Variants in TMEM266 observed in about 807,000 individuals in gnomAD.
TMEM266 encodes transmembrane protein 266, also known as Hv1 related protein 1.
In TMEM266, 33 loss-of-function variants were observed where a neutral mutation model predicts 50.5. The observed-to-expected ratio is 0.65, with a 90% CI of 0.50 to 0.87. TMEM266 has a LOEUF of 0.87. Ranked by LOEUF, TMEM266 falls within the 40% of genes least tolerant of loss-of-function variation. The pLI, the probability that TMEM266 is intolerant of heterozygous loss-of-function variation, is 0.00. For synonymous variants in TMEM266, 310 were observed against 292.3 expected, an observed-to-expected ratio of 1.06 and a Z score of -0.62; for missense variants, 655 against 695.1, an observed-to-expected ratio of 0.94 and a Z score of 0.65.
rs201783584 is a variant in TMEM266, at chr15:76,168,892, GA to G, written c.457-922del. Among the ~76,000 whole-genome samples the G allele has an allele frequency of 7.8e-3, 1,188 of 152,352 alleles. 20 individuals carry two copies. The highest frequency in any genetic ancestry group is 0.028 in the African/African-American group (1,145 of 41,588). ...CTTCATGGAGGTGACGTTCAAGCCAGAAGGACAGGAAGGGGAAAGCCCTGCT... is the reference window on the plus strand; with the variant it reads ...CTTCATGGAGGTGACGTTCAAGCCAGAGGACAGGAAGGGGAAAGCCCTGCT... On this transcript the variant is annotated intron_variant, in intron 5 of 10. Coordinates refer to ENST00000388942, the MANE Select transcript of TMEM266 (RefSeq NM_152335.3). The surrounding 1 kb of genome is among the most constrained non-coding windows in gnomAD (Gnocchi z 4.4).
intron 7 of TMEM266, among the ~76,000 whole-genome samples, chr15:76,174,186 G>T (rs2038234391): frequency 6.6e-6 from 1 of 152,176 alleles, no homozygotes; most frequent in African/African-American, 2.4e-5. Flanking sequence ...CAAAAGGAAG[G>T]CCCACTGCCT....
intron 8 of TMEM266, among the ~76,000 whole-genome samples, chr15:76,189,482 A>G (rs2038536253): frequency 6.6e-6 from 1 of 152,232 alleles, no homozygotes; most frequent in South Asian, 2.1e-4. Flanking sequence ...ACTAGACAAG[A>G]AAGTGGCAAC....
intron 8 of TMEM266, among the ~76,000 whole-genome samples, chr15:76,189,480 A>G (rs185719264): frequency 3.8e-4 from 58 of 152,354 alleles, no homozygotes; most frequent in African/African-American, 1.3e-3. Flanking sequence ...AGACTAGACA[A>G]GAAAGTGGCA....
In TMEM266 at chr15:76,204,667, A is replaced by G. The variant is rs965502440; in HGVS notation, c.*352A>G. ...CCTTCGTTCCTGACGCCCACCCTGGACTCTAGGGAACAGCACTGTGAGCAG... is the reference window on the plus strand; with the variant it reads ...CCTTCGTTCCTGACGCCCACCCTGGGCTCTAGGGAACAGCACTGTGAGCAG... On this transcript the variant is annotated 3_prime_UTR_variant, in exon 11 of 11. Coordinates refer to ENST00000388942, the MANE Select transcript of TMEM266 (RefSeq NM_152335.3). 4 of 190,210 alleles carry G rather than the reference A, an allele frequency of 2.1e-5. No homozygotes were observed. The highest frequency in any genetic ancestry group is 4.4e-5 in the Non-Finnish European group (4 of 91,526). 11.8% of individuals were successfully genotyped at this position (190,210 alleles called of 1,614,324 possible). A position where few individuals can be genotyped will look rare whatever the true frequency, so the allele number is the denominator to read the frequency against.
chr15:76,192,137 A>G lies in TMEM266; in HGVS notation c.938A>G (p.Glu313Gly). 7.1e-7 allele frequency: 1 copy of G among 1,406,400 alleles called. No individual in the cohort carries two copies. The highest frequency in any genetic ancestry group is 3.0e-5 in the East Asian group (1 of 33,492). 87.1% of individuals were successfully genotyped at this position (1,406,400 alleles called of 1,614,324 possible). A position where few individuals can be genotyped will look rare whatever the true frequency, so the allele number is the denominator to read the frequency against. ...GAGACGGCGGCCGAGAGCGTCGTGG[A>G]GGAGCTGCAGCCCTCGCAAGGTAAG... Residue 313 changes from glutamate to glycine, a missense_variant, in exon 9 of 11, where the codon GAG (glutamate) becomes GGG (glycine). Transcript: ENST00000388942.
intron 7 of TMEM266, among the ~76,000 whole-genome samples, chr15:76,172,859 T>C (rs1159964737): frequency 1.3e-5 from 2 of 152,248 alleles, no homozygotes; most frequent in East Asian, 1.9e-4. Context: ...CATGAGAACA[T>C]CCACCCCCGC....
chr15:76,185,946 G>C (rs1167050108), intron 8 of TMEM266, among the ~76,000 whole-genome samples: 3 of 152,174 alleles, frequency 2.0e-5, no homozygotes, highest in Admixed American at 6.5e-5. Context: ...GAAGAAAAGA[G>C]GCTCACCCAA....
At chr15:76,130,303 C>T (rs1479845160) in intron 1 of TMEM266, among the ~76,000 whole-genome samples, 10 of 143,954 alleles carry the variant, frequency 6.9e-5, no homozygotes, top group African/African-American at 1.5e-4. Flanking sequence ...TTTGGGAGGC[C>T]GAGGCGGTTG....
chr15:76,111,857 G>T (rs2037175507), intron 1 of TMEM266, among the ~76,000 whole-genome samples: 1 of 152,194 alleles, frequency 6.6e-6, no homozygotes, highest in Non-Finnish European at 1.5e-5. Context: ...ATTCATAATT[G>T]CCAAACACTG....
chr15:76,078,303 C>T (rs57009479), intron 1 of TMEM266, among the ~76,000 whole-genome samples: 3 of 152,072 alleles, frequency 2.0e-5, no homozygotes, highest in Non-Finnish European at 2.9e-5. Context: ...TGTTCTGACC[C>T]GGGGCCCCGG....
rs765056522 is a variant in TMEM266, at chr15:76,204,070, C to T, written c.1351C>T (p.Pro451Ser). The stretch of plus-strand genomic sequence containing the variant: ...CCTGCTGTCCTCCCTGTCGGAGGAC[C>T]CCTGCCCTTCCCAGAAGGCCTTGGA... The change falls in exon 11 of 11, where the codon CCC becomes TCC. Residue 451 changes from proline to serine, a missense_variant. Physicochemically the swap from Pro to Ser is moderately conservative, Grantham distance 74. Coordinates refer to ENST00000388942, the MANE Select transcript of TMEM266 (RefSeq NM_152335.3). 1.2e-6 allele frequency: 2 copies of T among 1,612,462 alleles called. No individual in the cohort carries two copies. Among genetic ancestry groups the T allele is most frequent in the African/African-American group, 2.7e-5 (2 of 74,908 alleles).
intron 1 of TMEM266, among the ~76,000 whole-genome samples, chr15:76,076,997 CT>C (rs2036616798): frequency 1.3e-5 from 2 of 152,084 alleles, no homozygotes; most frequent in Admixed American, 1.3e-4. Flanking sequence ...CAAGGCCTCA[CT>C]CTGTCACCCA....
chr15:76,169,885 G>T lies in TMEM266; in HGVS notation c.513+13G>T. 1 of 1,611,976 alleles carries T rather than the reference G, an allele frequency of 6.2e-7. No individual in the cohort carries two copies. The highest frequency in any genetic ancestry group is 8.5e-7 in the Non-Finnish European group (1 of 1,178,504). Reference sequence around the variant, plus strand: ...AAACAAAATAGAGGTAAAGACCAATGTCCACCCCCAAAGCCCCCACTCTGC... The same window carrying T: ...AAACAAAATAGAGGTAAAGACCAATTTCCACCCCCAAAGCCCCCACTCTGC... On this transcript the variant is annotated intron_variant, in intron 6 of 10. Coordinates refer to ENST00000388942, the MANE Select transcript of TMEM266 (RefSeq NM_152335.3).
At chr15:76,093,342 T>C (rs1466845519) in intron 1 of TMEM266, among the ~76,000 whole-genome samples, 14 of 147,176 alleles carry the variant, frequency 9.5e-5, no homozygotes, top group Admixed American at 9.5e-4. Flanking sequence ...CCTATGTCCA[T>C]GTGTTCTCAT....
rs71140194 is a variant in TMEM266, at chr15:76,075,837, CTTTTTTTTTTTTTTTTTTT to C, written c.-97+15840_-97+15858del. On this transcript the variant is annotated intron_variant, in intron 1 of 10. Coordinates refer to ENST00000388942, the MANE Select transcript of TMEM266 (RefSeq NM_152335.3). ...CTGGAGGAGAATGAAGAGAAGGCAG[CTTTTTTTTTTTTTTTTTTT>C]TTTTTTTTTTTTTTTTTTGAGACAC... Among the ~76,000 whole-genome samples, 8 of 23,596 alleles carry C rather than the reference CTTTTTTTTTTTTTTTTTTT, an allele frequency of 3.4e-4. 1 individual carries two copies. The highest frequency in any genetic ancestry group is 2.3e-3 in the East Asian group (2 of 852). The allele number at this position is 23,596 out of a possible 152,430, so 15.5% of individuals were successfully genotyped here.
At chr15:76,164,469 A>C (rs1191615403) in intron 5 of TMEM266, among the ~76,000 whole-genome samples, 2 of 152,086 alleles carry the variant, frequency 1.3e-5, no homozygotes, top group South Asian at 4.2e-4. Context: ...TGGCCTCCCA[A>C]AGTGCTGGGA....
intron 1 of TMEM266, among the ~76,000 whole-genome samples, chr15:76,132,743 C>G (rs1424186844): frequency 6.6e-6 from 1 of 150,566 alleles, no homozygotes; most frequent in Non-Finnish European, 1.5e-5. Context: ...TGCAGTGAGC[C>G]AAAATTGCGC....
rs1036527892 is a variant in TMEM266 at position 76,161,816 on chromosome 15, G to A, written c.456+1648G>A. 2.0e-5 allele frequency among the ~76,000 whole-genome samples: 3 copies of A among 152,142 alleles called. No individual in the cohort carries two copies. Among genetic ancestry groups the A allele is most frequent in the Non-Finnish European group, 2.9e-5 (2 of 68,030 alleles). ...CCTCCCTGGCCTCTTGTCTCTGCCC[G>A]GCCAGGATTCCCTCCCGCAAACACA... is the stretch of plus-strand genomic sequence containing the variant. On this transcript the variant is annotated intron_variant, in intron 5 of 10. Coordinates refer to ENST00000388942, the MANE Select transcript of TMEM266 (RefSeq NM_152335.3). The surrounding 1 kb of genome is among the most constrained non-coding windows in gnomAD (Gnocchi z 4.1).
chr15:76,099,993 C>A (rs1296569642), intron 1 of TMEM266, among the ~76,000 whole-genome samples: 9 of 152,138 alleles, frequency 5.9e-5, no homozygotes, highest in Admixed American at 5.9e-4. Context: ...AGAATTCATT[C>A]ACTATCATGA....
Sources: allele counts gnomAD v4.1 joint callset (sites outside exome capture counted in the v4.1 genomes callset), GRCh38; gene constraint gnomAD v4.1.1; non-coding constraint Gnocchi (gnomAD v3.1); transcripts MANE v1.5; gene names NCBI Gene and HGNC (gene_info 2026-07-23, HGNC 2026-07-21).